The following LEPR variants were observed in gnomAD, a reference collection of about 807,000 sequenced individuals.
The protein encoded by LEPR is leptin receptor, also known as OB receptor.
Under a neutral mutation model 114.7 loss-of-function variants are expected in LEPR, and 56 were observed. The ratio of observed to expected loss-of-function variants is 0.49; its 90% CI spans 0.39 to 0.61. The LOEUF (loss-of-function observed/expected upper bound fraction) is 0.61. LEPR is among the 20% of genes least tolerant of loss of function. LEPR has a pLI of 0.00. For missense variants in LEPR, 1,202 were observed against 1,352.9 expected, an observed-to-expected ratio of 0.89 and a Z score of 1.75; for synonymous variants, 443 against 461.4, an observed-to-expected ratio of 0.96 and a Z score of 0.51.
intron 2 of LEPR, among the ~76,000 whole-genome samples, chr1:65,547,368 T>A: frequency 6.6e-6 from 1 of 152,210 alleles, no homozygotes; most frequent in East Asian, 1.9e-4. Flanking sequence ...ATTGGAGTTG[T>A]TTCAGAAGGA....
intron 2 of LEPR, chr1:65,435,623 T>C: frequency 1.1e-6 from 1 of 912,532 alleles, no homozygotes; most frequent in Non-Finnish European, 1.3e-6. Context: ...CGCCTCTGCC[T>C]CCCAAAGTGC....
Position 65,521,091 on chromosome 1 carries a change from C to T in LEPR, c.-20-44455C>T, listed in dbSNP as rs539938171. Among the ~76,000 whole-genome samples the T allele has an allele frequency of 5.8e-4, 89 of 152,296 alleles. No homozygotes were observed. The Middle Eastern group carries it at 0.01, about 17-fold the overall frequency. ...GGGCCTGTTCCCAACAGTTGTTGGC[C>T]AAAGATTCATTTGATTAACCTGATT... On this transcript the variant is annotated intron_variant, in intron 2 of 19. Coordinates refer to ENST00000349533, the MANE Select transcript of LEPR (RefSeq NM_002303.6).
chr1:65,458,545 C>G (rs1646906587), intron 2 of LEPR, among the ~76,000 whole-genome samples: 1 of 152,088 alleles, frequency 6.6e-6, no homozygotes, highest in African/African-American at 2.4e-5. Flanking sequence ...AATACTTATC[C>G]TTGTTCCTCC....
intron 2 of LEPR, among the ~76,000 whole-genome samples, chr1:65,444,188 A>ATC (rs1646684851): frequency 7.0e-6 from 1 of 142,554 alleles, no homozygotes; most frequent in Non-Finnish European, 1.5e-5. Flanking sequence ...ATTCCCACCT[A>ATC]TGAGTGAGAA....
chr1:65,508,407 A>T (rs1460468723), intron 2 of LEPR, among the ~76,000 whole-genome samples: 1 of 152,134 alleles, frequency 6.6e-6, no homozygotes, highest in African/African-American at 2.4e-5. Context: ...CTTCATGTGG[A>T]TATCCAGTTT....
At chr1:65,435,163 C>T (rs769677957) in intron 2 of LEPR, 2 of 985,248 alleles carry the variant, frequency 2.0e-6, no homozygotes, top group Non-Finnish European at 2.4e-6. Flanking sequence ...GAGTTCTGAG[C>T]TGGTCCTGCT....
chr1:65,608,703 T>C, intron 11 of LEPR, 50 bp from the exon 12 acceptor site: 1 of 1,569,902 alleles, frequency 6.4e-7, no homozygotes, highest in Non-Finnish European at 8.7e-7. Flanking sequence ...TTTTTAGGCA[T>C]TATTACTATT....
intron 2 of LEPR, among the ~76,000 whole-genome samples, chr1:65,501,093 T>A (rs1648427646): frequency 6.6e-6 from 1 of 152,092 alleles, no homozygotes; most frequent in African/African-American, 2.4e-5. Flanking sequence ...TCCTCTGACT[T>A]CTGAAACATT....
chr1:65,573,430 C>T (rs754161359), intron 5 of LEPR, among the ~76,000 whole-genome samples: 1 of 152,090 alleles, frequency 6.6e-6, no homozygotes, highest in Non-Finnish European at 1.5e-5. Context: ...TTTTCGTATT[C>T]GATCTCTTTA....
chr1:65,455,785 C>A (rs1452021249), intron 2 of LEPR, among the ~76,000 whole-genome samples: 2 of 152,212 alleles, frequency 1.3e-5, no homozygotes, highest in East Asian at 3.9e-4. Context: ...GCAGGCAGGC[C>A]TCTTTGAGCT....
chr1:65,533,305 A>AT (rs1360670762), intron 2 of LEPR, among the ~76,000 whole-genome samples: 1 of 152,118 alleles, frequency 6.6e-6, no homozygotes, highest in Non-Finnish European at 1.5e-5. Context: ...TCTCAATAGG[A>AT]TCTCTATTAA....
intron 2 of LEPR, among the ~76,000 whole-genome samples, chr1:65,531,866 G>T (rs1650426015): frequency 6.6e-6 from 1 of 152,006 alleles, no homozygotes. Context: ...CTACAAGTGT[G>T]CTAGTATACG....
intron 2 of LEPR, among the ~76,000 whole-genome samples, chr1:65,452,030 C>T (rs1281433463): frequency 6.6e-6 from 1 of 151,218 alleles, no homozygotes; most frequent in East Asian, 1.9e-4. Flanking sequence ...ATTTTATTCT[C>T]TTTGAAGCAA....
chr1:65,471,602 A>G (rs535321776), intron 2 of LEPR, among the ~76,000 whole-genome samples: 1 of 152,188 alleles, frequency 6.6e-6, no homozygotes, highest in Non-Finnish European at 1.5e-5. Flanking sequence ...CTGTTTTTCC[A>G]AAAGACCTTT....
chr1:65,439,763 G>A lies in LEPR; in HGVS notation c.-21+14385G>A, dbSNP rs1646622310. Among the ~76,000 whole-genome samples the A allele has an allele frequency of 2.0e-5, 3 of 150,890 alleles. No homozygotes were observed. In the Middle Eastern group the frequency reaches 0.01, roughly 517 times the overall value. ...AACCCAGGAATCACTTGAAGGCAGA[G>A]GTTGCAGTGAGCCGAGATCATGCCA... On this transcript the variant is annotated intron_variant, in intron 2 of 19. Transcript: ENST00000349533.
chr1:65,564,172 T>G (rs1392102396), intron 2 of LEPR, among the ~76,000 whole-genome samples: 3 of 150,214 alleles, frequency 2.0e-5, no homozygotes, highest in Non-Finnish European at 4.5e-5. Flanking sequence ...CCTTGCAGTT[T>G]GATCTCAGAC....
chr1:65,632,486 A>G (rs1293235443), intron 19 of LEPR, among the ~76,000 whole-genome samples: 3 of 152,096 alleles, frequency 2.0e-5, no homozygotes, highest in Non-Finnish European at 4.4e-5. Flanking sequence ...TCTTCTGCCT[A>G]TTTGTGTTTG....
intron 19 of LEPR, chr1:65,634,270 T>C (rs1388165265): frequency 3.1e-6 from 3 of 980,914 alleles, no homozygotes; most frequent in Non-Finnish European, 1.2e-6. Context: ...GTAGTTTTAT[T>C]TGAAAGTAGA....
chr1:65,530,528 G>A (rs1650312341), intron 2 of LEPR, among the ~76,000 whole-genome samples: 1 of 152,140 alleles, frequency 6.6e-6, no homozygotes, highest in African/African-American at 2.4e-5. Flanking sequence ...CTGAACACGG[G>A]GTGGATTATT....
Sources: allele counts gnomAD v4.1 joint callset (sites outside exome capture counted in the v4.1 genomes callset), GRCh38; gene constraint gnomAD v4.1.1; transcripts MANE v1.5; gene names NCBI Gene and HGNC (gene_info 2026-07-23, HGNC 2026-07-21).